MAST2: variants seen among roughly 807,000 people sequenced by gnomAD.
The protein encoded by MAST2 is microtubule associated serine/threonine kinase 2, also known as microtubule-associated serine/threonine-protein kinase 2.
MAST2 carries 70 observed loss-of-function variants against 147.4 expected under a neutral mutation model. The observed-to-expected ratio is 0.47, with a 90% CI of 0.39 to 0.58. The LOEUF is 0.58. Ranked by LOEUF, MAST2 falls within the 20% of genes least tolerant of loss-of-function variation. The probability of loss-of-function intolerance (pLI) is 0.00; values close to 1 mark genes in which losing one functional copy is unlikely to be tolerated. For synonymous variants in MAST2, 869 were observed against 896.8 expected (o/e 0.97, Z 0.55); for missense variants, 2,080 against 2,302.3 (o/e 0.90, Z 1.98).
At chr1:46,006,705 A>G (rs1645502079) in intron 8 of MAST2, 3 of 199,638 alleles carry the variant, frequency 1.5e-5, no homozygotes, top group Admixed American at 1.2e-4. Context: ...ACAAAGCCCA[A>G]GCTATTTTTG....
chr1:46,016,047 G>T (rs1371723816), intron 10 of MAST2, among the ~76,000 whole-genome samples: 3 of 151,840 alleles, frequency 2.0e-5, no homozygotes, highest in Non-Finnish European at 2.9e-5. Flanking sequence ...ATGTAATCCA[G>T]CATATAAACA....
intron 4 of MAST2, among the ~76,000 whole-genome samples, chr1:45,889,034 A>T (rs565242878): frequency 6.6e-6 from 1 of 152,066 alleles, no homozygotes; most frequent in East Asian, 1.9e-4. Flanking sequence ...AGCCATTGTA[A>T]TCTCTTGCCT....
chr1:45,985,953 C>CTA (rs1239721348), intron 5 of MAST2, among the ~76,000 whole-genome samples: 1 of 152,180 alleles, frequency 6.6e-6, no homozygotes, highest in African/African-American at 2.4e-5. Flanking sequence ...TGCAGCCTTG[C>CTA]TAACTCTCTT....
At chr1:45,970,146 T>A (rs890451590) in intron 5 of MAST2, among the ~76,000 whole-genome samples, 3 of 152,170 alleles carry the variant, frequency 2.0e-5, no homozygotes, top group African/African-American at 7.2e-5. Flanking sequence ...CAGTTCCTTT[T>A]CCCTCCTCCT....
chr1:45,921,408 G>A (rs949863711), intron 4 of MAST2, among the ~76,000 whole-genome samples: 3 of 152,110 alleles, frequency 2.0e-5, no homozygotes, highest in Admixed American at 6.6e-5. Context: ...GTTTGCTCAG[G>A]CCTGCTGGGC....
rs1179265029 is a variant in MAST2 at position 46,031,591 on chromosome 1, G to T, written c.3187+6G>T. On this transcript the variant is annotated splice_donor_region_variant and intron_variant, in intron 24 of 28. Coordinates refer to ENST00000361297, the MANE Select transcript of MAST2 (RefSeq NM_015112.3). This position sits in a 1 kb window ranked among gnomAD's most constrained non-coding sequence, Gnocchi z 4.1. ...CTCACTCCTCATTCCTTCGGGTGAG[G>T]CCCCTGGGGAGCTGGGATAAAACTC... is the stretch of plus-strand genomic sequence containing the variant. The T allele has an allele frequency of 1.2e-6, 2 of 1,606,266 alleles. No homozygotes were observed. The highest frequency in any genetic ancestry group is 1.7e-5 in the Admixed American group (1 of 59,728).
At chr1:45,998,057 T>G (rs1645128092) in intron 6 of MAST2, among the ~76,000 whole-genome samples, 1 of 152,220 alleles carries the variant, frequency 6.6e-6, no homozygotes, top group South Asian at 2.1e-4. Flanking sequence ...GTAGATTTAT[T>G]TGTATAATTC....
At chr1:45,905,174 CTT>C (rs1206585552) in intron 4 of MAST2, among the ~76,000 whole-genome samples, 33 of 128,082 alleles carry the variant, frequency 2.6e-4, no homozygotes, top group Admixed American at 2.4e-4. Context: ...TATGTTTAAT[CTT>C]TTTTTTTTTT....
intron 3 of MAST2, among the ~76,000 whole-genome samples, chr1:45,874,430 G>T (rs575345631): frequency 1.3e-5 from 2 of 152,054 alleles, no homozygotes; most frequent in East Asian, 3.8e-4. Flanking sequence ...AAAGCATTCC[G>T]ACTCTCCATG....
intron 17 of MAST2, 56 bp from the exon 18 acceptor site, chr1:46,028,712 G>T: frequency 6.3e-7 from 1 of 1,598,720 alleles, no homozygotes; most frequent in Admixed American, 1.7e-5. Context: ...ATCTCCGGCT[G>T]TCATGCCAGT....
intron 5 of MAST2, among the ~76,000 whole-genome samples, chr1:45,964,712 A>G (rs1407001523): frequency 1.3e-5 from 2 of 151,248 alleles, no homozygotes; most frequent in South Asian, 2.1e-4. Flanking sequence ...TTGTGTCTCT[A>G]TCTCCTTCAG....
chr1:45,920,953 C>T (rs1311216834), intron 4 of MAST2, among the ~76,000 whole-genome samples: 3 of 152,044 alleles, frequency 2.0e-5, no homozygotes, highest in Non-Finnish European at 4.4e-5. Flanking sequence ...TAGAAACTAC[C>T]ATTCAACCCC....
intron 4 of MAST2, among the ~76,000 whole-genome samples, chr1:45,913,219 A>G (rs1651945217): frequency 6.6e-6 from 1 of 152,196 alleles, no homozygotes; most frequent in African/African-American, 2.4e-5. Context: ...TTGAGCCCTA[A>G]CATTAAAGCC....
At chr1:45,839,552 A>C (rs1645211389) in intron 3 of MAST2, among the ~76,000 whole-genome samples, 2 of 152,186 alleles carry the variant, frequency 1.3e-5, no homozygotes. Context: ...GCTTACAGGC[A>C]TGAACCACCT....
chr1:46,015,346 G>C (rs567311908), intron 10 of MAST2, among the ~76,000 whole-genome samples: 1 of 152,256 alleles, frequency 6.6e-6, no homozygotes, highest in East Asian at 1.9e-4. Context: ...GACGGAAATA[G>C]AGACACAAAA....
intron 1 of MAST2, among the ~76,000 whole-genome samples, chr1:45,823,383 T>G (rs12094860): frequency 0.34 from 50,888 of 150,396 alleles, 9,022 homozygotes; most frequent in African/African-American, 0.43. Flanking sequence ...TTGCTCAGGC[T>G]GGAGTGCAGT....
At chr1:45,948,706 CAAAAA>C (rs34012353) in intron 4 of MAST2, among the ~76,000 whole-genome samples, 13 of 40,258 alleles carry the variant, frequency 3.2e-4, no homozygotes, top group African/African-American at 7.9e-4. Context: ...GACTCCATCT[CAAAAA>C]AAAAAAAAAA....
chr1:45,823,851 T>C (rs1644711631), intron 1 of MAST2, among the ~76,000 whole-genome samples: 1 of 152,206 alleles, frequency 6.6e-6, no homozygotes. Context: ...CACTGCTTAC[T>C]GAATGAGGAG....
At chr1:45,970,667 CAA>C (rs754544108) in intron 5 of MAST2, among the ~76,000 whole-genome samples, 40 of 72,398 alleles carry the variant, frequency 5.5e-4, no homozygotes, top group African/African-American at 9.4e-4. Context: ...GACTCTGTCT[CAA>C]AAAAAAAAAA....
Sources: gnomAD v4.1 joint callset for allele counts (sites outside exome capture counted in the v4.1 genomes callset) on GRCh38, gnomAD v4.1.1 for gene constraint, Gnocchi (gnomAD v3.1) non-coding constraint, MANE v1.5 for transcripts, NCBI Gene and HGNC (gene_info 2026-07-23, HGNC 2026-07-21) for gene names.